INPP4A: variants seen among roughly 807,000 people sequenced by gnomAD.
INPP4A encodes inositol polyphosphate-4-phosphatase, type I, 107kD.
INPP4A carries 33 observed loss-of-function variants against 119.8 expected under a neutral mutation model. That is an observed-to-expected ratio of 0.28 (90% CI 0.21 to 0.37). The LOEUF is 0.37. Among genes scored for constraint, INPP4A ranks in the 10% least tolerant of loss-of-function variants. INPP4A has a pLI of 1.00. For missense variants in INPP4A, 956 were observed against 1,289.9 expected (o/e 0.74, Z 3.97); for synonymous variants, 496 against 500.7 (o/e 0.99, Z 0.12).
At chr2:98,548,128 AG>A (rs10719549) in intron 13 of INPP4A, among the ~76,000 whole-genome samples, 34,799 of 152,052 alleles carry the variant, frequency 0.23, 4,186 homozygotes, top group Middle Eastern at 0.35. Flanking sequence ...AAGGCTGAGC[AG>A]GGAACGGAAG....
intron 1 of INPP4A, among the ~76,000 whole-genome samples, chr2:98,456,056 T>C (rs944232915): frequency 5.9e-5 from 9 of 152,212 alleles, no homozygotes; most frequent in Non-Finnish European, 8.8e-5. Flanking sequence ...CATTTTCCCA[T>C]TGACTGATGG....
At chr2:98,555,429 T>C (rs1409166511) in intron 15 of INPP4A, 124 bp from the exon 16 acceptor site, 3 of 1,022,984 alleles carry the variant, frequency 2.9e-6, no homozygotes, top group Non-Finnish European at 2.8e-6. Flanking sequence ...ATTTCTAAAC[T>C]TTGAGGTATT....
chr2:98,553,016 T>A, intron 14 of INPP4A, 47 bp downstream of exon 14: 1 of 1,507,892 alleles, frequency 6.6e-7, no homozygotes, highest in Non-Finnish European at 9.0e-7. Flanking sequence ...TTTCCTTGGG[T>A]TTCTGGAAGC....
Position 98,570,593 on chromosome 2 carries a change from C to G in INPP4A, c.2518+1925C>G, listed in dbSNP as rs908951036. Among the ~76,000 whole-genome samples the G allele has an allele frequency of 6.6e-6, 1 of 152,096 alleles. No homozygotes were observed. The highest frequency in any genetic ancestry group is 1.5e-5 in the Non-Finnish European group (1 of 68,014). ...GATGGGGCTGTGGGCAGGTGGGACA[C>G]ACCCTGGAGCTGCAGGGGCCATGGG... On this transcript the variant is annotated intron_variant, in intron 22 of 24. Transcript: ENST00000409851. The surrounding 1 kb of genome is among the most constrained non-coding windows in gnomAD (Gnocchi z 4.3).
chr2:98,468,654 A>C (rs1675298825), intron 1 of INPP4A, among the ~76,000 whole-genome samples: 2 of 152,190 alleles, frequency 1.3e-5, no homozygotes, highest in South Asian at 4.1e-4. Flanking sequence ...CGCATTTCTC[A>C]TTCTAAGAAC....
chr2:98,539,858 CT>C (rs1389036698), intron 10 of INPP4A, among the ~76,000 whole-genome samples, 183 bp downstream of exon 10: 1 of 152,188 alleles, frequency 6.6e-6, no homozygotes, highest in Admixed American at 6.5e-5. Flanking sequence ...TCATGGATTC[CT>C]GTGCAAGGAT....
intron 7 of INPP4A, among the ~76,000 whole-genome samples, chr2:98,536,934 C>T (rs1690395293): frequency 1.3e-5 from 2 of 152,106 alleles, no homozygotes; most frequent in Non-Finnish European, 2.9e-5. Flanking sequence ...GTTTAGAGAA[C>T]TTGATTCAGG....
At chr2:98,468,164 G>C (rs572781358) in intron 1 of INPP4A, among the ~76,000 whole-genome samples, 1 of 152,188 alleles carries the variant, frequency 6.6e-6, no homozygotes, top group East Asian at 1.9e-4. Flanking sequence ...GTAAAACTTT[G>C]AGGTTTTACA....
intron 1 of INPP4A, among the ~76,000 whole-genome samples, chr2:98,451,221 C>T (rs1695165950): frequency 6.6e-6 from 1 of 152,168 alleles, no homozygotes; most frequent in Admixed American, 6.5e-5. Context: ...GCCCAGCTGG[C>T]CTCTGGTGTT....
At chr2:98,522,848 G>C (rs935142155) in intron 4 of INPP4A, among the ~76,000 whole-genome samples, 4 of 152,052 alleles carry the variant, frequency 2.6e-5, no homozygotes, top group African/African-American at 9.7e-5. Flanking sequence ...GAAACTTGAA[G>C]ACAGTGAGAC....
intron 20 of INPP4A, 72 bp from the exon 21 acceptor site, chr2:98,565,957 A>C (rs1696351293): frequency 6.5e-7 from 1 of 1,543,620 alleles, no homozygotes; most frequent in Non-Finnish European, 8.8e-7. Flanking sequence ...CCAGAGGGCC[A>C]GCCTGGGCAC....
At chr2:98,580,434 G>T (rs577954896) in intron 24 of INPP4A, among the ~76,000 whole-genome samples, 6 of 152,352 alleles carry the variant, frequency 3.9e-5, no homozygotes, top group African/African-American at 1.2e-4. Context: ...AAGCTCCCAT[G>T]TGGCACCATT....
chr2:98,454,247 T>A (rs149928551), intron 1 of INPP4A, among the ~76,000 whole-genome samples: 1 of 152,250 alleles, frequency 6.6e-6, no homozygotes, highest in Non-Finnish European at 1.5e-5. Context: ...GACTCCCCGC[T>A]GGAATCCTCT....
intron 4 of INPP4A, among the ~76,000 whole-genome samples, chr2:98,522,286 C>CAA (rs199634396): frequency 1.2e-4 from 7 of 56,280 alleles, no homozygotes; most frequent in Middle Eastern, 0.011. Flanking sequence ...GACTCTGTCT[C>CAA]AAAAAAAAAA....
chr2:98,467,543 A>G (rs1425858710), intron 1 of INPP4A, among the ~76,000 whole-genome samples: 3 of 152,242 alleles, frequency 2.0e-5, no homozygotes, highest in Non-Finnish European at 4.4e-5. Context: ...CAGTGAACCT[A>G]GCATCATCAG....
At chr2:98,480,792 C>T (rs1015518671) in intron 1 of INPP4A, among the ~76,000 whole-genome samples, 1 of 152,204 alleles carries the variant, frequency 6.6e-6, no homozygotes, top group African/African-American at 2.4e-5. Context: ...ACTGAATCTT[C>T]CACTAGCCTG....
chr2:98,475,569 T>C (rs1677037198), intron 1 of INPP4A, among the ~76,000 whole-genome samples: 1 of 152,254 alleles, frequency 6.6e-6, no homozygotes, highest in African/African-American at 2.4e-5. Context: ...TGGCTGAAAT[T>C]ACTTGTAAAA....
intron 23 of INPP4A, among the ~76,000 whole-genome samples, chr2:98,575,862 C>T (rs957253157): frequency 1.3e-5 from 2 of 152,198 alleles, no homozygotes; most frequent in Admixed American, 6.5e-5. Context: ...GTATCTGATA[C>T]GGTGCATAGT....
At chr2:98,535,983 G>A (rs1043599705) in intron 6 of INPP4A, 138 bp downstream of exon 6, 16 of 713,198 alleles carry the variant, frequency 2.2e-5, no homozygotes, top group Non-Finnish European at 3.2e-5. Flanking sequence ...TTGTCTTTGC[G>A]AATTGTTAAG....
Sources: allele counts gnomAD v4.1 joint callset (sites outside exome capture counted in the v4.1 genomes callset), GRCh38; gene constraint gnomAD v4.1.1; non-coding constraint Gnocchi (gnomAD v3.1); transcripts MANE v1.5; gene names NCBI Gene and HGNC (gene_info 2026-07-23, HGNC 2026-07-21).